Variants in TARDBP observed in about 807,000 individuals in gnomAD.
TARDBP encodes the protein TAR DNA binding protein.
A neutral mutation model predicts 38.3 loss-of-function variants in TARDBP; 4 were observed. That is an observed-to-expected ratio of 0.10 (90% CI 0.05 to 0.24). TARDBP has a LOEUF of 0.24. Ranked by LOEUF, TARDBP falls within the 10% of genes least tolerant of loss-of-function variation. TARDBP has a pLI of 1.00. For missense variants in TARDBP, 202 were observed against 521.9 expected, an observed-to-expected ratio of 0.39 and a Z score of 5.97; for synonymous variants, 184 against 183.8, an observed-to-expected ratio of 1.00 and a Z score of -0.01.
chr1:11,029,921 T>TA (rs1188598987), downstream of TARDBP: 5 of 312,562 alleles, frequency 1.6e-5, no homozygotes, highest in East Asian at 2.6e-4. Context: ...ACACCTGGCC[T>TA]AAAAATCATT....
chr1:11,015,165 G>A (rs1557655293), intron 2 of TARDBP, among the ~76,000 whole-genome samples: 1 of 151,826 alleles, frequency 6.6e-6, no homozygotes, highest in African/African-American at 2.4e-5. Context: ...TCTTCAGCCA[G>A]TGGGTATAGA....
intron 5 of TARDBP, among the ~76,000 whole-genome samples, chr1:11,020,963 C>T (rs1026162525): frequency 9.9e-5 from 15 of 151,998 alleles, no homozygotes; most frequent in Middle Eastern, 3.2e-3. Context: ...TGAACATTGC[C>T]CATGCAGCTA....
intron 3 of TARDBP, chr1:11,018,333 T>C (rs1643569594): frequency 8.4e-6 from 2 of 238,990 alleles, no homozygotes; most frequent in Admixed American, 6.7e-5. Flanking sequence ...GGACTACAGG[T>C]GCATGCCACT....
At position 11,022,195 on chromosome 1, in the gene TARDBP, T is replaced by C; in HGVS notation, c.786T>C (p.Pro262=). 1 of 1,614,006 alleles carries C rather than the reference T, an allele frequency of 6.2e-7. No homozygotes were observed. The highest frequency in any genetic ancestry group is 1.7e-4 in the Middle Eastern group (1 of 6,056). Residue 262 remains proline, a synonymous_variant, in exon 6 of 6, where the codon CCT becomes CCC. Transcript: ENST00000240185. The surrounding 1 kb of genome is among the most constrained non-coding windows in gnomAD (Gnocchi z 4.5). The part of the protein sequence containing the change: ...GISVHISNAE[P]KHNSNRQLER... ...GCGTTCATATATCCAATGCCGAACC[T>C]AAGCACAATAGCAATAGACAGTTAG...
chr1:11,014,488 G>GT (rs1643475843), intron 2 of TARDBP, among the ~76,000 whole-genome samples: 1 of 152,206 alleles, frequency 6.6e-6, no homozygotes. Context: ...GAAGCATGAA[G>GT]TTTAAGAAGT....
intron 5 of TARDBP, among the ~76,000 whole-genome samples, chr1:11,021,770 C>T (rs1235409183): frequency 6.6e-6 from 1 of 151,894 alleles, no homozygotes; most frequent in Non-Finnish European, 1.5e-5. Flanking sequence ...GCTAATGTGG[C>T]TTTTTTGTGG....
downstream of TARDBP, chr1:11,027,043 C>T (rs138934492): frequency 3.9e-5 from 63 of 1,595,312 alleles, no homozygotes; most frequent in Middle Eastern, 6.7e-4. Context: ...ACCAGTGCCC[C>T]TCCGCTGTCA....
downstream of TARDBP, chr1:11,029,563 CAT>C (rs1466088696): frequency 2.0e-5 from 3 of 146,600 alleles, no homozygotes; most frequent in Non-Finnish European, 3.0e-5. Context: ...AGCATTTTAA[CAT>C]AGAATAGTAA....
In TARDBP at chr1:11,025,475, T is replaced by A. The variant is rs912011445; in HGVS notation, c.*2821T>A. ...AATTTTTTGAACCAGATAAATAAAATTTTTTTTTGACACCACAGTTTAGTG... is the reference window on the plus strand; with the variant it reads ...AATTTTTTGAACCAGATAAATAAAAATTTTTTTTGACACCACAGTTTAGTG... On this transcript the variant is annotated 3_prime_UTR_variant, in exon 6 of 6. Transcript: ENST00000240185. The A allele has an allele frequency of 2.0e-5, 3 of 151,760 alleles. No individual in the cohort carries two copies. Among genetic ancestry groups the A allele is most frequent in the East Asian group, 3.8e-4 (2 of 5,196 alleles). The allele number at this position is 151,760 out of a possible 1,614,324, so 9.4% of individuals were successfully genotyped here.
intron 3 of TARDBP, 106 bp from the exon 4 acceptor site, chr1:11,018,627 T>G (rs992501766): frequency 1.3e-6 from 2 of 1,527,306 alleles, no homozygotes; most frequent in African/African-American, 2.7e-5. Flanking sequence ...TTTAAGCCAC[T>G]GCATCCAGTT....
downstream of TARDBP, chr1:11,025,756 A>C (rs1231147631): frequency 6.5e-6 from 1 of 153,230 alleles, no homozygotes; most frequent in Middle Eastern, 1.2e-3. Flanking sequence ...TAGCCAGCTA[A>C]AACCAAATGA....
At chr1:11,018,618 T>G in intron 3 of TARDBP, 115 bp from the exon 4 acceptor site, 2 of 1,468,342 alleles carry the variant, frequency 1.4e-6, no homozygotes, top group Non-Finnish European at 9.5e-7. Flanking sequence ...GGTTTAAGTT[T>G]TAAGCCACTG....
chr1:11,029,880 T>TGA (rs1643812997), downstream of TARDBP: 3 of 201,240 alleles, frequency 1.5e-5, no homozygotes, highest in Non-Finnish European at 2.0e-5. Flanking sequence ...TGCCTCGGCC[T>TGA]CCCAAAGTGC....
rs778019438 is a variant in TARDBP, at chr1:11,017,017, G to A, written c.402+10G>A. 4 of 1,613,800 alleles carry A rather than the reference G, an allele frequency of 2.5e-6. No homozygotes were observed. The highest frequency in any genetic ancestry group is 3.3e-5 in the Admixed American group (2 of 59,990). ...AGTTCTTATGGTGCAGGTAAACTTCGATTGCATCAAACAGTTTTTCTTTAC... is the reference window on the plus strand; with the variant it reads ...AGTTCTTATGGTGCAGGTAAACTTCAATTGCATCAAACAGTTTTTCTTTAC... On this transcript the variant is annotated intron_variant, in intron 3 of 5. Coordinates refer to ENST00000240185, the MANE Select transcript of TARDBP (RefSeq NM_007375.4).
At position 11,022,209 on chromosome 1, in the gene TARDBP, A is replaced by G. The variant is rs80356718; in HGVS notation, c.800A>G (p.Asn267Ser). The part of the protein sequence containing the change: ...ISNAEPKHNS[N>S]RQLERSGRFG... ...AATGCCGAACCTAAGCACAATAGCA[A>G]TAGACAGTTAGAAAGAAGTGGAAGA... The change falls in exon 6 of 6, where the codon AAT becomes AGT. Residue 267 changes from asparagine (N) to serine (S), a missense_variant. Asn to Ser is a conservative substitution (Grantham distance 46). Around this residue, in one of 5 missense-constraint regions of TARDBP, gnomAD observed 107 missense variants for 190.5 expected, o/e 0.56. Transcript: ENST00000240185. This position sits in a 1 kb window ranked among gnomAD's most constrained non-coding sequence, Gnocchi z 4.5. The G allele has an allele frequency of 6.3e-5, 101 of 1,614,006 alleles. No homozygotes were observed. The Middle Eastern group carries it at 9.9e-4, about 16-fold the overall frequency.
At chr1:11,021,954 T>C (rs1163959214) in intron 5 of TARDBP, among the ~76,000 whole-genome samples, 170 bp from the exon 6 acceptor site, 1 of 151,628 alleles carries the variant, frequency 6.6e-6, no homozygotes, top group African/African-American at 2.4e-5. Context: ...TCACTGCTGC[T>C]GTTAATAAAA....
At chr1:11,017,135 A>G (rs1393668660) in intron 3 of TARDBP, 128 bp downstream of exon 3, 11 of 1,027,802 alleles carry the variant, frequency 1.1e-5, no homozygotes, top group South Asian at 9.1e-5. Context: ...TCCTGGGCCC[A>G]TACTGTCCTC....
chr1:11,023,800 AGT>A lies in TARDBP; in HGVS notation c.*1150_*1151del, dbSNP rs1461198333. ...TGTTCTCTTCTGTTACTGATATGTA[AGT>A]GTGGCAATGTGAACTGAAGCTGATG... On this transcript the variant is annotated 3_prime_UTR_variant, in exon 6 of 6. Coordinates refer to ENST00000240185, the MANE Select transcript of TARDBP (RefSeq NM_007375.4). 1 of 153,502 alleles carries A rather than the reference AGT, an allele frequency of 6.5e-6. No homozygotes were observed. The highest frequency in any genetic ancestry group is 1.5e-5 in the Non-Finnish European group (1 of 68,682). 9.5% of individuals were successfully genotyped at this position (153,502 alleles called of 1,614,324 possible). A position where few individuals can be genotyped will look rare whatever the true frequency, so the allele number is the denominator to read the frequency against.
chr1:11,015,830 G>A (rs868501518), intron 2 of TARDBP, among the ~76,000 whole-genome samples: 24 of 151,444 alleles, frequency 1.6e-4, no homozygotes, highest in Admixed American at 9.9e-4. Flanking sequence ...TGCAACCTCC[G>A]CCTCCCAGGT....
Sources: allele counts gnomAD v4.1 joint callset (sites outside exome capture counted in the v4.1 genomes callset), GRCh38; gene constraint gnomAD v4.1.1; regional missense constraint gnomAD v4.1.1; non-coding constraint Gnocchi (gnomAD v3.1); transcripts MANE v1.5; gene names NCBI Gene and HGNC (gene_info 2026-07-23, HGNC 2026-07-21).